The following EOGT variants were observed in gnomAD, a reference collection of about 807,000 sequenced individuals.
EOGT encodes the protein EGF domain specific O-linked N-acetylglucosamine transferase.
A neutral mutation model predicts 70.5 loss-of-function variants in EOGT; 55 were observed. The observed-to-expected ratio is 0.78, with a 90% confidence interval of 0.63 to 0.98. The LOEUF (loss-of-function observed/expected upper bound fraction) is 0.98. Ranked by LOEUF, EOGT falls within the 50% of genes least tolerant of loss-of-function variation. The probability of loss-of-function intolerance (pLI) is 0.00; values close to 1 mark genes in which losing one functional copy is unlikely to be tolerated. For synonymous variants in EOGT, 246 were observed against 217.1 expected (o/e 1.13, Z -1.17); for missense variants, 703 against 641.9 (o/e 1.10, Z -1.03).
intron 10 of EOGT, among the ~76,000 whole-genome samples, chr3:68,989,485 C>G (rs1575732190): frequency 6.6e-6 from 1 of 152,048 alleles, no homozygotes; most frequent in East Asian, 1.9e-4. Context: ...CGGTGGCTCA[C>G]AGCTGTAATC....
rs753362987 is a variant in EOGT, at chr3:68,982,909, CTTCT to C, written c.1153-41_1153-38del. The C allele has an allele frequency of 9.2e-6, 14 of 1,526,754 alleles. No homozygotes were observed. The South Asian group carries it at 1.7e-4, about 18-fold the overall frequency. The allele number at this position is 1,526,754 out of a possible 1,614,324, so 94.6% of individuals were successfully genotyped here. On this transcript the variant is annotated intron_variant, in intron 14 of 17. Transcript: ENST00000383701. ...AGAGAAACATTTAGCATTTCTTTTCCTTCTTTCACTTCTGTTTTTCCCTTATGAG... is the reference window on the plus strand; with the variant it reads ...AGAGAAACATTTAGCATTTCTTTTCCTTCACTTCTGTTTTTCCCTTATGAG...
chr3:68,979,434 T>C (rs1217232452), intron 16 of EOGT, among the ~76,000 whole-genome samples: 2 of 152,212 alleles, frequency 1.3e-5, no homozygotes, highest in Admixed American at 6.5e-5. Context: ...ACATCTTCCA[T>C]ATCATGCTCG....
intron 14 of EOGT, among the ~76,000 whole-genome samples, chr3:68,986,105 G>A (rs12490154): frequency 0.31 from 47,739 of 152,104 alleles, 8,324 homozygotes; most frequent in East Asian, 0.5. Context: ...TGATCAGTGA[G>A]AAGAATCCAG....
intron 8 of EOGT, among the ~76,000 whole-genome samples, chr3:69,003,956 T>C (rs995410777): frequency 4.6e-5 from 7 of 152,244 alleles, no homozygotes; most frequent in African/African-American, 1.4e-4. Context: ...CAGGCTGGCC[T>C]TGAACTCCTG....
chr3:68,985,341 T>C (rs972111950), intron 14 of EOGT, among the ~76,000 whole-genome samples: 1 of 152,236 alleles, frequency 6.6e-6, no homozygotes, highest in Non-Finnish European at 1.5e-5. Flanking sequence ...TCATGTCCTC[T>C]GTAATCCATA....
At chr3:69,009,210 A>C (rs1483620406) in intron 4 of EOGT, among the ~76,000 whole-genome samples, 2 of 152,224 alleles carry the variant, frequency 1.3e-5, no homozygotes, top group Non-Finnish European at 2.9e-5. Context: ...CCTCTAAAAC[A>C]GAAAGAAAGC....
chr3:68,990,428 C>T (rs1356768369), intron 10 of EOGT, among the ~76,000 whole-genome samples: 2 of 149,476 alleles, frequency 1.3e-5, no homozygotes, highest in Non-Finnish European at 3.0e-5. Flanking sequence ...TCTGGGCTCA[C>T]TGCAACCTCC....
At chr3:69,013,016 T>C (rs936955037) in intron 1 of EOGT, among the ~76,000 whole-genome samples, 7 of 151,734 alleles carry the variant, frequency 4.6e-5, no homozygotes, top group African/African-American at 1.7e-4. Context: ...TCTCGGCGGG[T>C]GCCAGGCAGG....
rs977146623 is a variant in EOGT at position 68,977,216 on chromosome 3, G to C, written c.*402C>G. ...GTGGTGCAGGCTGCAATCCCAGCTAGTCAGGTGGCTGAGGCAAAAGAATCG... is the reference window on the plus strand; with the variant it reads ...GTGGTGCAGGCTGCAATCCCAGCTACTCAGGTGGCTGAGGCAAAAGAATCG... On this transcript the variant is annotated 3_prime_UTR_variant, in exon 18 of 18. Coordinates refer to ENST00000383701, the MANE Select transcript of EOGT (RefSeq NM_001278689.2). 2 of 172,246 alleles carry C rather than the reference G, an allele frequency of 1.2e-5. No individual in the cohort carries two copies. The allele number at this position is 172,246 out of a possible 1,614,324, so 10.7% of individuals were successfully genotyped here. A position where few individuals can be genotyped will look rare whatever the true frequency, so the allele number is the denominator to read the frequency against.
chr3:69,005,456 T>G (rs1039930341), intron 6 of EOGT, among the ~76,000 whole-genome samples: 1 of 152,072 alleles, frequency 6.6e-6, no homozygotes, highest in Non-Finnish European at 1.5e-5. Flanking sequence ...TAAGTTACCA[T>G]GGAAAACTCC....
chr3:68,977,388 C>A lies in EOGT; in HGVS notation c.*230G>T. The A allele has an allele frequency of 2.4e-6, 1 of 422,156 alleles. No homozygotes were observed. Among genetic ancestry groups the A allele is most frequent in the Non-Finnish European group, 4.1e-6 (1 of 240,970 alleles). The allele number at this position is 422,156 out of a possible 1,614,324, so 26.2% of individuals were successfully genotyped here. ...GGGGAGTCCATGCTTAATTTTTGAA[C>A]TATAAAAAGTTTTCAGTGCAAAATT... On this transcript the variant is annotated 3_prime_UTR_variant, in exon 18 of 18. Coordinates refer to ENST00000383701, the MANE Select transcript of EOGT (RefSeq NM_001278689.2).
rs1344040261 is a variant in EOGT, at chr3:69,011,987, A to G, written c.-66T>C. The G allele has an allele frequency of 6.6e-6, 1 of 152,192 alleles. No homozygotes were observed. The highest frequency in any genetic ancestry group is 1.5e-5 in the Non-Finnish European group (1 of 68,036). 9.4% of individuals were successfully genotyped at this position (152,192 alleles called of 1,614,324 possible). ...AGCTTCTGTGATGTTTCAGGTCTCT[A>G]AAACCTGTCAGAAATGAAACATATT... is the stretch of plus-strand genomic sequence containing the variant. On this transcript the variant is annotated 5_prime_UTR_variant, in exon 3 of 18. An upstream open reading frame in the 5' UTR loses its in-frame stop. Transcript: ENST00000383701.
chr3:69,002,975 G>A (rs1189531692), intron 8 of EOGT, among the ~76,000 whole-genome samples: 5 of 152,094 alleles, frequency 3.3e-5, no homozygotes, highest in Non-Finnish European at 7.4e-5. Flanking sequence ...GCCTTGGTAT[G>A]GACATTTGAC....
At chr3:69,007,647 G>C (rs959472393) in intron 6 of EOGT, 66 bp downstream of exon 6, 1 of 1,104,998 alleles carries the variant, frequency 9.0e-7, no homozygotes, top group South Asian at 1.5e-5. Context: ...CAGAAACTCC[G>C]TCTCAAAAAT....
intron 10 of EOGT, among the ~76,000 whole-genome samples, chr3:68,997,447 C>T (rs1211716524): frequency 6.6e-6 from 1 of 151,486 alleles, no homozygotes; most frequent in African/African-American, 2.4e-5. Context: ...CGGCTCAATG[C>T]AACCTCCACC....
At chr3:68,980,787 A>T (rs2090616358) in intron 15 of EOGT, among the ~76,000 whole-genome samples, 1 of 152,166 alleles carries the variant, frequency 6.6e-6, no homozygotes, top group Non-Finnish European at 1.5e-5. Context: ...AGGTGAACAT[A>T]CCCCTGCACT....
intron 6 of EOGT, among the ~76,000 whole-genome samples, chr3:69,005,834 A>T (rs879277571): frequency 1.3e-5 from 2 of 152,198 alleles, no homozygotes; most frequent in Admixed American, 1.3e-4. Context: ...GAACTTCAAA[A>T]ACTTTTATCT....
At chr3:68,993,069 A>C (rs1385836844) in intron 10 of EOGT, among the ~76,000 whole-genome samples, 1 of 152,190 alleles carries the variant, frequency 6.6e-6, no homozygotes, top group Non-Finnish European at 1.5e-5. Context: ...GCCGCCATGA[A>C]GGTTTCTGAC....
chr3:69,000,956 GA>G (rs2091279001), intron 9 of EOGT, among the ~76,000 whole-genome samples: 3 of 149,206 alleles, frequency 2.0e-5, no homozygotes, highest in African/African-American at 7.4e-5. Flanking sequence ...CATGGCTTTT[GA>G]TTTTTTTTTT....
Sources: allele counts gnomAD v4.1 joint callset (sites outside exome capture counted in the v4.1 genomes callset), GRCh38; gene constraint gnomAD v4.1.1; transcripts MANE v1.5; gene names NCBI Gene and HGNC (gene_info 2026-07-23, HGNC 2026-07-21).